Variants in PTPRD observed in about 807,000 individuals in gnomAD.
PTPRD encodes receptor-type tyrosine-protein phosphatase delta.
A neutral mutation model predicts 214.5 loss-of-function variants in PTPRD; 34 were observed. The observed-to-expected ratio is 0.16, with a 90% CI of 0.12 to 0.21. The LOEUF (loss-of-function observed/expected upper bound fraction) is 0.21. PTPRD is among the 10% of genes least tolerant of loss of function. The pLI, the probability that PTPRD is intolerant of heterozygous loss-of-function variation, is 1.00. For missense variants in PTPRD, 2,545 were observed against 2,398.7 expected, an observed-to-expected ratio of 1.06 and a Z score of -1.27; for synonymous variants, 1,128 against 845.7, an observed-to-expected ratio of 1.33 and a Z score of -5.79.
At chr9:9,470,559 T>C (rs188872005) in intron 8 of PTPRD, among the ~76,000 whole-genome samples, 1 of 152,294 alleles carries the variant, frequency 6.6e-6, no homozygotes, top group Non-Finnish European at 1.5e-5. Context: ...AGTATACACT[T>C]AGTAAAAGGG....
chr9:9,350,608 T>G (rs10977673), intron 9 of PTPRD, among the ~76,000 whole-genome samples: 32,218 of 151,988 alleles, frequency 0.21, 4,218 homozygotes, highest in Non-Finnish European at 0.3. Flanking sequence ...CATAAATATC[T>G]TTGGTGATGT....
chr9:10,138,753 A>G (rs1213682975), intron 3 of PTPRD, among the ~76,000 whole-genome samples: 1 of 152,188 alleles, frequency 6.6e-6, no homozygotes, highest in Admixed American at 6.6e-5. Context: ...CAACACATGC[A>G]AATCAGTAAA....
intron 2 of PTPRD, among the ~76,000 whole-genome samples, chr9:10,545,180 T>A (rs1178042603): frequency 2.0e-5 from 3 of 152,156 alleles, no homozygotes; most frequent in Non-Finnish European, 4.4e-5. Flanking sequence ...AAGGCCTACA[T>A]ATGGCACCTG....
intron 8 of PTPRD, among the ~76,000 whole-genome samples, chr9:9,483,693 G>T (rs2095510283): frequency 6.6e-6 from 1 of 151,884 alleles, no homozygotes; most frequent in Non-Finnish European, 1.5e-5. Flanking sequence ...CATAGAGGAG[G>T]CTCTGGATGC....
intron 3 of PTPRD, among the ~76,000 whole-genome samples, chr9:10,129,436 G>C (rs2098842563): frequency 6.6e-6 from 1 of 150,764 alleles, no homozygotes; most frequent in Non-Finnish European, 1.5e-5. Context: ...CTATTGACAT[G>C]ATTGACCACT....
chr9:10,605,426 A>G (rs1214649106), intron 2 of PTPRD, among the ~76,000 whole-genome samples: 2 of 151,822 alleles, frequency 1.3e-5, no homozygotes, highest in African/African-American at 4.8e-5. Context: ...AGTACGGCGT[A>G]TTTTTATCAT....
chr9:9,316,586 A>T (rs892932267), intron 9 of PTPRD, among the ~76,000 whole-genome samples: 1 of 152,112 alleles, frequency 6.6e-6, no homozygotes, highest in Non-Finnish European at 1.5e-5. Flanking sequence ...GAATCTTCCA[A>T]TGGGCTTTTG....
At chr9:9,814,007 A>G (rs530479726) in intron 5 of PTPRD, among the ~76,000 whole-genome samples, 3 of 152,190 alleles carry the variant, frequency 2.0e-5, no homozygotes, top group African/African-American at 4.8e-5. Flanking sequence ...ATGCAAGTCA[A>G]TAAGTTTTGT....
intron 2 of PTPRD, among the ~76,000 whole-genome samples, chr9:10,387,613 C>T (rs1484683335): frequency 6.6e-6 from 1 of 151,578 alleles, no homozygotes; most frequent in African/African-American, 2.4e-5. Flanking sequence ...TAATACATTT[C>T]CCCAGTAAAG....
chr9:9,263,160 T>G (rs1313563595), intron 9 of PTPRD, among the ~76,000 whole-genome samples: 4 of 151,716 alleles, frequency 2.6e-5, no homozygotes, highest in Non-Finnish European at 4.4e-5. Context: ...AATGAAATCT[T>G]GTTTTCTTAA....
At chr9:8,523,559 T>C (rs750464826) in intron 18 of PTPRD, 35 bp from the exon 19 acceptor site, 4 of 1,611,036 alleles carry the variant, frequency 2.5e-6, no homozygotes, top group South Asian at 1.1e-5. Flanking sequence ...CAGAACACAA[T>C]GAAATGAGGA....
At chr9:9,351,104 C>A (rs186197710) in intron 9 of PTPRD, among the ~76,000 whole-genome samples, 73 of 152,130 alleles carry the variant, frequency 4.8e-4, no homozygotes, top group African/African-American at 1.6e-3. Context: ...GATTTCCAGG[C>A]ATCCCTTACT....
At chr9:10,279,119 C>G (rs556166626) in intron 3 of PTPRD, among the ~76,000 whole-genome samples, 1 of 152,182 alleles carries the variant, frequency 6.6e-6, no homozygotes, top group South Asian at 2.1e-4. Context: ...TCAATCCTCA[C>G]TTCTCTTTGG....
At position 10,422,116 on chromosome 9, in the gene PTPRD, A is replaced by G. The variant is rs958436502; in HGVS notation, c.-599-81099T>C. Reference sequence around the variant, plus strand: ...TGGTACTGGTACCAAAACAAGATATAGACCAATGGAACAGAACAGAGGCCT... The same window carrying G: ...TGGTACTGGTACCAAAACAAGATATGGACCAATGGAACAGAACAGAGGCCT... On this transcript the variant is annotated intron_variant, in intron 2 of 45. Coordinates refer to ENST00000381196, the MANE Select transcript of PTPRD (RefSeq NM_002839.4). 9.2e-5 allele frequency among the ~76,000 whole-genome samples: 14 copies of G among 152,158 alleles called. No homozygotes were observed. In the East Asian group the frequency reaches 2.5e-3, roughly 28 times the overall value.
chr9:9,586,971 A>C (rs2092078065), intron 7 of PTPRD, among the ~76,000 whole-genome samples: 1 of 152,152 alleles, frequency 6.6e-6, no homozygotes, highest in African/African-American at 2.4e-5. Flanking sequence ...GGAGAGCATA[A>C]GTCATCACTC....
intron 10 of PTPRD, among the ~76,000 whole-genome samples, chr9:9,078,451 G>A (rs181258282): frequency 6.6e-6 from 1 of 152,160 alleles, no homozygotes; most frequent in East Asian, 1.9e-4. Flanking sequence ...GGCATGCTGT[G>A]GCTTCGAAAG....
intron 12 of PTPRD, among the ~76,000 whole-genome samples, chr9:8,670,822 G>A (rs138754227): frequency 3.9e-5 from 6 of 152,270 alleles, no homozygotes; most frequent in East Asian, 1.9e-4. Flanking sequence ...ACAGAGAGGC[G>A]ACAGAGAATG....
At chr9:10,209,081 C>A (rs1371206302) in intron 3 of PTPRD, among the ~76,000 whole-genome samples, 1 of 152,042 alleles carries the variant, frequency 6.6e-6, no homozygotes, top group African/African-American at 2.4e-5. Context: ...TGCTGCAGTT[C>A]GTGATTTTTT....
At chr9:8,556,809 A>G (rs1167234271) in intron 14 of PTPRD, among the ~76,000 whole-genome samples, 1 of 152,130 alleles carries the variant, frequency 6.6e-6, no homozygotes, top group Admixed American at 6.5e-5. Flanking sequence ...ATTGGTAAGG[A>G]GGCTAAAAGA....
Sources: allele counts gnomAD v4.1 joint callset (sites outside exome capture counted in the v4.1 genomes callset), GRCh38; gene constraint gnomAD v4.1.1; transcripts MANE v1.5; gene names NCBI Gene and HGNC (gene_info 2026-07-23, HGNC 2026-07-21).